Variants in NHERF4 observed in about 807,000 individuals in gnomAD.
NHERF4 encodes the protein NHERF family PDZ scaffold protein 4, also known as Na(+)/H(+) exchange regulatory cofactor NHE-RF4.
At chr11:119,187,812 T>G in the NHERF4 span, 27 of 1,457,374 alleles carry the variant, frequency 1.9e-5, no homozygotes, top group Non-Finnish European at 2.4e-5. Context: ...CCTACCTTTA[T>G]CACCATCCTC....
At chr11:119,186,531 C>T in the NHERF4 span, 2 of 1,614,058 alleles carry the variant, frequency 1.2e-6, no homozygotes, top group Non-Finnish European at 1.7e-6. The surrounding 1 kb of genome is among the most constrained non-coding windows in gnomAD (Gnocchi z 4.4). Context: ...AAGAGGAGGG[C>T]AAGAGTTTTG....
At chr11:119,186,768 A>G in the NHERF4 span, 1 of 1,356,422 alleles carries the variant, frequency 7.4e-7, no homozygotes, top group Non-Finnish European at 1.0e-6. This position sits in a 1 kb window ranked among gnomAD's most constrained non-coding sequence, Gnocchi z 4.4. Context: ...GCAGTATGGC[A>G]GCAGGGCACA....
chr11:119,186,689 T>C, the NHERF4 span: 1 of 1,599,344 alleles, frequency 6.3e-7, no homozygotes, highest in East Asian at 2.2e-5. This position sits in a 1 kb window ranked among gnomAD's most constrained non-coding sequence, Gnocchi z 4.4. Flanking sequence ...GACTATGCGG[T>C]GGTAAGGCTG....
chr11:119,188,928 T>C, the NHERF4 span: 15 of 1,611,442 alleles, frequency 9.3e-6, no homozygotes, highest in Non-Finnish European at 6.8e-6. Context: ...TCGGTCTTCC[T>C]CTGCTTCCCT....
At chr11:119,187,772 C>T in the NHERF4 span, 1 of 1,463,078 alleles carries the variant, frequency 6.8e-7, no homozygotes, top group South Asian at 1.5e-5. Context: ...ACGCCTCCTT[C>T]CCCATGCGCC....
chr11:119,189,131 C>A, the NHERF4 span: 1 of 1,613,884 alleles, frequency 6.2e-7, no homozygotes, highest in Non-Finnish European at 8.5e-7. This position sits in a 1 kb window ranked among gnomAD's most constrained non-coding sequence, Gnocchi z 5.8. Context: ...TGAGGCTGAG[C>A]CACCCCTCTG....
chr11:119,187,604 A>G, the NHERF4 span: 1 of 1,583,976 alleles, frequency 6.3e-7, no homozygotes, highest in South Asian at 1.1e-5. Flanking sequence ...GTACTGGAGG[A>G]GCAGCTGAGC....
the NHERF4 span, chr11:119,188,792 G>T: frequency 1.2e-6 from 2 of 1,614,186 alleles, no homozygotes; most frequent in South Asian, 2.2e-5. Context: ...AGTGCTTCCT[G>T]TACCCTGGGC....
chr11:119,188,844 G>A, the NHERF4 span: 1 of 1,614,150 alleles, frequency 6.2e-7, no homozygotes, highest in Non-Finnish European at 8.5e-7. Context: ...TGTGGCCAGT[G>A]GGCCTCGTCT....
the NHERF4 span, chr11:119,189,460 T>C: frequency 3.1e-6 from 5 of 1,614,092 alleles, no homozygotes; most frequent in African/African-American, 1.3e-5. This position sits in a 1 kb window ranked among gnomAD's most constrained non-coding sequence, Gnocchi z 5.8. Context: ...TCTCTCTGTA[T>C]AGGACTGGGC....
At chr11:119,185,979 G>A in the NHERF4 span, 3 of 1,614,144 alleles carry the variant, frequency 1.9e-6, no homozygotes, top group Admixed American at 1.7e-5. Context: ...TTGGGGCAAG[G>A]GGAGGAAATA....
At chr11:119,185,699 C>A in the NHERF4 span, 1 of 772,956 alleles carries the variant, frequency 1.3e-6, no homozygotes, top group Non-Finnish European at 2.2e-6. Flanking sequence ...TACTGATATG[C>A]TCAGATTTAT....
At chr11:119,189,511 A>G in the NHERF4 span, 1 of 1,613,266 alleles carries the variant, frequency 6.2e-7, no homozygotes, top group Non-Finnish European at 8.5e-7. The surrounding 1 kb of genome is among the most constrained non-coding windows in gnomAD (Gnocchi z 5.8). Flanking sequence ...TGCTTGGTAC[A>G]GACATACTCA....
chr11:119,186,608 CT>C, the NHERF4 span: 1 of 1,613,904 alleles, frequency 6.2e-7, no homozygotes. This position sits in a 1 kb window ranked among gnomAD's most constrained non-coding sequence, Gnocchi z 4.4. Flanking sequence ...CCAGGCACCT[CT>C]GCCCAGCGCC....
the NHERF4 span, chr11:119,190,036 G>A: frequency 1.2e-4 from 55 of 445,876 alleles, no homozygotes; most frequent in Non-Finnish European, 1.8e-4. This position sits in a 1 kb window ranked among gnomAD's most constrained non-coding sequence, Gnocchi z 4.2. Context: ...GGTGGGATGC[G>A]GCTCCTGCAG....
chr11:119,189,418 C>T, the NHERF4 span: 1 of 1,609,818 alleles, frequency 6.2e-7, no homozygotes, highest in East Asian at 2.2e-5. The surrounding 1 kb of genome is among the most constrained non-coding windows in gnomAD (Gnocchi z 5.8). Context: ...AGGAACTCTT[C>T]TGGGTCCCAC....
chr11:119,188,939 C>A, the NHERF4 span: 2 of 1,611,600 alleles, frequency 1.2e-6, no homozygotes, highest in Admixed American at 1.7e-5. Flanking sequence ...CTGCTTCCCT[C>A]CCAGAGCCTA....
chr11:119,187,544 C>CA, the NHERF4 span: 3 of 1,490,976 alleles, frequency 2.0e-6, no homozygotes, highest in Non-Finnish European at 2.7e-6. Context: ...CTGGACCTTG[C>CA]TTTTTTTTTT....
chr11:119,188,420 C>T, the NHERF4 span: 42 of 1,613,644 alleles, frequency 2.6e-5, no homozygotes, highest in Admixed American at 8.3e-5. Flanking sequence ...GGCTGGGGAC[C>T]GGCTGGTGGC....
Sources: allele counts gnomAD v4.1 joint callset, GRCh38; gene constraint gnomAD v4.1.1; non-coding constraint Gnocchi (gnomAD v3.1); transcripts MANE v1.5; gene names NCBI Gene and HGNC (gene_info 2026-07-23, HGNC 2026-07-21).